The following SPOCK3 variants were observed in gnomAD, a reference collection of about 807,000 sequenced individuals.
The protein encoded by SPOCK3 is SPARC (osteonectin), cwcv and kazal like domains proteoglycan 3, also known as testican-3.
A neutral mutation model predicts 56.6 loss-of-function variants in SPOCK3; 30 were observed. The observed-to-expected ratio is 0.53, with a 90% CI of 0.40 to 0.72. The LOEUF (loss-of-function observed/expected upper bound fraction) is 0.72. Among genes scored for constraint, SPOCK3 ranks in the 30% least tolerant of loss-of-function variants. The pLI, the probability that SPOCK3 is intolerant of heterozygous loss-of-function variation, is 0.00. For missense variants in SPOCK3, 527 were observed against 530.0 expected (o/e 0.99, Z 0.06); for synonymous variants, 196 against 183.3 (o/e 1.07, Z -0.56).
chr4:167,098,564 T>C (rs531219655), intron 2 of SPOCK3, among the ~76,000 whole-genome samples: 1 of 152,188 alleles, frequency 6.6e-6, no homozygotes, highest in African/African-American at 2.4e-5. Flanking sequence ...TTTACAGAAC[T>C]AATCTTGATG....
chr4:167,120,021 A>T (rs1012155042), intron 2 of SPOCK3: 1 of 552,954 alleles, frequency 1.8e-6, no homozygotes, highest in African/African-American at 1.9e-5. Flanking sequence ...GTATCTCTTA[A>T]ATTACATACA....
intron 9 of SPOCK3, among the ~76,000 whole-genome samples, chr4:166,739,995 G>T (rs989702469): frequency 4.6e-5 from 7 of 152,090 alleles, no homozygotes; most frequent in Non-Finnish European, 1.0e-4. Flanking sequence ...ATTCACTGTT[G>T]TCACATCTAC....
chr4:167,116,298 T>G (rs896863894), intron 2 of SPOCK3, among the ~76,000 whole-genome samples: 1 of 150,916 alleles, frequency 6.6e-6, no homozygotes, highest in Non-Finnish European at 1.5e-5. Context: ...CAATTATAGT[T>G]AAGATATAGA....
rs377333419 is a variant in SPOCK3, at chr4:166,953,287, T to C, written c.351-40544A>G. On this transcript the variant is annotated intron_variant, in intron 4 of 10. Coordinates refer to ENST00000357545, the MANE Select transcript of SPOCK3 (RefSeq NM_001040159.2). ...AAAGTGGGCGAAGGACATGAACAGATACTTCTCAAAAGAAGACATTTATGC... is the reference window on the plus strand; with the variant it reads ...AAAGTGGGCGAAGGACATGAACAGACACTTCTCAAAAGAAGACATTTATGC... 3.6e-4 allele frequency among the ~76,000 whole-genome samples: 55 copies of C among 152,210 alleles called. No individual in the cohort carries two copies. The South Asian group carries it at 9.7e-3, about 27-fold the overall frequency.
intron 6 of SPOCK3, among the ~76,000 whole-genome samples, chr4:166,883,511 T>G (rs748770287): frequency 1.3e-5 from 2 of 152,216 alleles, no homozygotes; most frequent in Non-Finnish European, 2.9e-5. Context: ...TTGAATGATC[T>G]CTGACCTCAT....
intron 2 of SPOCK3, among the ~76,000 whole-genome samples, chr4:167,127,708 G>A (rs1332478338): frequency 3.9e-5 from 6 of 152,288 alleles, no homozygotes; most frequent in African/African-American, 7.2e-5. Flanking sequence ...GGTTACAGGC[G>A]TGAGCCACCA....
At chr4:166,867,552 T>G (rs1465146265) in intron 6 of SPOCK3, among the ~76,000 whole-genome samples, 1 of 151,688 alleles carries the variant, frequency 6.6e-6, no homozygotes, top group Non-Finnish European at 1.5e-5. Context: ...AATTCCCTAA[T>G]TTTGGAAAAG....
intron 2 of SPOCK3, among the ~76,000 whole-genome samples, chr4:167,087,275 A>G (rs1484934552): frequency 6.6e-6 from 1 of 152,046 alleles, no homozygotes; most frequent in African/African-American, 2.4e-5. Flanking sequence ...AAGACCACAG[A>G]GCTTATAAAT....
chr4:166,779,666 G>A (rs1739949739), intron 7 of SPOCK3, among the ~76,000 whole-genome samples: 1 of 152,098 alleles, frequency 6.6e-6, no homozygotes, highest in Admixed American at 6.6e-5. Flanking sequence ...TACATTTGAA[G>A]TTCCAGAAGA....
At chr4:166,974,741 T>C (rs906860773) in intron 4 of SPOCK3, among the ~76,000 whole-genome samples, 10 of 152,214 alleles carry the variant, frequency 6.6e-5, no homozygotes, top group Non-Finnish European at 2.9e-5. Flanking sequence ...GATCTTTCAG[T>C]AGCATCTGAT....
intron 2 of SPOCK3, among the ~76,000 whole-genome samples, chr4:167,156,334 A>T: frequency 6.6e-6 from 1 of 152,172 alleles, no homozygotes; most frequent in Non-Finnish European, 1.5e-5. Flanking sequence ...TTCAATCCAT[A>T]AAAACGCAGG....
chr4:166,771,591 T>C (rs760252255), intron 7 of SPOCK3, among the ~76,000 whole-genome samples: 1 of 152,094 alleles, frequency 6.6e-6, no homozygotes, highest in Non-Finnish European at 1.5e-5. Context: ...CACACCTGTA[T>C]GAATTTCATT....
chr4:167,179,362 A>C (rs1281039238), intron 2 of SPOCK3, among the ~76,000 whole-genome samples: 2 of 152,190 alleles, frequency 1.3e-5, no homozygotes, highest in Non-Finnish European at 2.9e-5. Flanking sequence ...AAAACAAAAC[A>C]AAAAATACCA....
chr4:167,114,014 A>G (rs1761127353), intron 2 of SPOCK3, among the ~76,000 whole-genome samples: 1 of 152,018 alleles, frequency 6.6e-6, no homozygotes, highest in African/African-American at 2.4e-5. Flanking sequence ...GAAAATCACC[A>G]GCGCAAAGTG....
intron 2 of SPOCK3, among the ~76,000 whole-genome samples, chr4:167,110,732 C>G (rs996365352): frequency 4.6e-5 from 7 of 151,846 alleles, no homozygotes; most frequent in Non-Finnish European, 7.4e-5. Flanking sequence ...GGAAAAAATT[C>G]CAAAATAGAG....
At chr4:167,180,314 A>G (rs535876122) in intron 2 of SPOCK3, among the ~76,000 whole-genome samples, 4 of 152,290 alleles carry the variant, frequency 2.6e-5, no homozygotes, top group Admixed American at 2.6e-4. Flanking sequence ...GATTCCACTC[A>G]TACAAAGTTG....
intron 6 of SPOCK3, among the ~76,000 whole-genome samples, chr4:166,851,466 G>A (rs1364848049): frequency 6.6e-6 from 1 of 152,246 alleles, no homozygotes; most frequent in Non-Finnish European, 1.5e-5. Flanking sequence ...AAGCTGGACG[G>A]AGAATGACTT....
chr4:166,922,059 T>C (rs113039192), intron 4 of SPOCK3, among the ~76,000 whole-genome samples: 83 of 152,206 alleles, frequency 5.5e-4, no homozygotes, highest in African/African-American at 1.9e-3. Context: ...AGCAGTGGCA[T>C]TAGTGCAAAC....
intron 4 of SPOCK3, among the ~76,000 whole-genome samples, chr4:166,928,871 G>C (rs965434937): frequency 2.0e-5 from 3 of 152,150 alleles, no homozygotes; most frequent in African/African-American, 7.2e-5. Context: ...AGGAGACTGA[G>C]GCAGGAGAAT....
Sources: gnomAD v4.1 joint callset for allele counts (sites outside exome capture counted in the v4.1 genomes callset) on GRCh38, gnomAD v4.1.1 for gene constraint, MANE v1.5 for transcripts, NCBI Gene and HGNC (gene_info 2026-07-23, HGNC 2026-07-21) for gene names.